The following CETP variants were observed in gnomAD, a reference collection of about 807,000 sequenced individuals.
CETP encodes BPI fold containing family F.
Under a neutral mutation model 66.5 loss-of-function variants are expected in CETP, and 56 were observed. The observed-to-expected ratio is 0.84, with a 90% confidence interval of 0.68 to 1.05. The LOEUF (loss-of-function observed/expected upper bound fraction) is 1.05. Among genes scored for constraint, CETP ranks in the 50% least tolerant of loss-of-function variants. CETP has a pLI of 0.00. For missense variants in CETP, 612 were observed against 609.6 expected (o/e 1.00, Z -0.04); for synonymous variants, 251 against 245.7 (o/e 1.02, Z -0.20).
chr16:56,978,328 G>C, intron 11 of CETP, 73 bp downstream of exon 11: 1 of 1,586,496 alleles, frequency 6.3e-7, no homozygotes. Context: ...GCAGGGGCCT[G>C]GGGGTCTCTG....
chr16:56,980,836 C>T (rs879433125), intron 11 of CETP, among the ~76,000 whole-genome samples: 1 of 152,150 alleles, frequency 6.6e-6, no homozygotes, highest in African/African-American at 2.4e-5. Context: ...GTAGGACAAT[C>T]GCTTGAACCT....
rs1567476360 is a variant in CETP at position 56,981,686 on chromosome 16, T to C, written c.1248+6T>C. ...CTGTTTCCAACTTGACTGAGGTAGGTAGTCTTGGATAGACTGGGGGAAATA... is the reference window on the plus strand; with the variant it reads ...CTGTTTCCAACTTGACTGAGGTAGGCAGTCTTGGATAGACTGGGGGAAATA... On this transcript the variant is annotated splice_donor_region_variant and intron_variant, in intron 13 of 15. Transcript: ENST00000200676. The C allele has an allele frequency of 6.2e-7, 1 of 1,613,778 alleles. No homozygotes were observed.
At chr16:56,975,376 A>G (rs1214956376) in intron 10 of CETP, among the ~76,000 whole-genome samples, 1 of 152,178 alleles carries the variant, frequency 6.6e-6, no homozygotes, top group East Asian at 1.9e-4. Flanking sequence ...TCCCCATTTT[A>G]CACACAGGGA....
intron 10 of CETP, among the ~76,000 whole-genome samples, chr16:56,976,877 A>C (rs1386943404): frequency 6.6e-6 from 1 of 151,186 alleles, no homozygotes; most frequent in Non-Finnish European, 1.5e-5. Flanking sequence ...TTACTTACCC[A>C]CTGAGATTTT....
chr16:56,980,353 GT>G (rs1447118135), intron 11 of CETP, among the ~76,000 whole-genome samples: 3 of 152,042 alleles, frequency 2.0e-5, no homozygotes, highest in African/African-American at 4.8e-5. Flanking sequence ...GTATTTTTTT[GT>G]AGAGACAGGG....
Position 56,978,170 on chromosome 16 carries a change from G to A in CETP, c.1061G>A (p.Gly354Glu). 4 of 1,614,246 alleles carry A rather than the reference G, an allele frequency of 2.5e-6. No individual in the cohort carries two copies. The highest frequency in any genetic ancestry group is 3.4e-6 in the Non-Finnish European group (4 of 1,180,056). ...KMPKISCQNKGVVVNSSVMVK... is the reference protein window; with the variant it reads ...KMPKISCQNKEVVVNSSVMVK... ...CCCAAGATCTCCTGCCAAAACAAGGGAGTCGTGGTCAATTCTTCAGTGATG... is the reference window on the plus strand; with the variant it reads ...CCCAAGATCTCCTGCCAAAACAAGGAAGTCGTGGTCAATTCTTCAGTGATG... Residue 354 changes from glycine (G) to glutamate (E), a missense_variant, in exon 11 of 16, where the codon GGA becomes GAA. By Grantham distance (98) the Gly-to-Glu change is moderately conservative. Coordinates refer to ENST00000200676, the MANE Select transcript of CETP (RefSeq NM_000078.3).
chr16:56,982,075 G>C, intron 13 of CETP, 90 bp from the exon 14 acceptor site: 1 of 1,208,532 alleles, frequency 8.3e-7, no homozygotes, highest in Non-Finnish European at 1.2e-6. Flanking sequence ...ATGGGCATGA[G>C]GATGAATGCT....
chr16:56,968,447 A>G (rs1183608112), intron 2 of CETP, among the ~76,000 whole-genome samples: 1 of 152,184 alleles, frequency 6.6e-6, no homozygotes, highest in Non-Finnish European at 1.5e-5. Context: ...TCGGCCTCCC[A>G]AAGTGCTAGG....
intron 10 of CETP, 45 bp from the exon 11 acceptor site, chr16:56,978,046 C>T (rs1464697569): frequency 6.2e-7 from 1 of 1,607,608 alleles, no homozygotes; most frequent in East Asian, 2.2e-5. Context: ...CTGCTGCTGC[C>T]CTGATGGGCC....
chr16:56,972,002 T>G lies in CETP; in HGVS notation c.669T>G (p.Leu223=). ...DFVQTRAASI[L]SDGDIGVDIS... ...CTTTTCCTCCTGCAGCCAGCATCCT[T>G]TCAGATGGAGACATTGGGGTGGACA... Residue 223 remains leucine (L), a synonymous_variant, in exon 8 of 16, where the codon CTT becomes CTG. Coordinates refer to ENST00000200676, the MANE Select transcript of CETP (RefSeq NM_000078.3). 6.2e-7 allele frequency: 1 copy of G among 1,614,042 alleles called. No individual in the cohort carries two copies. Among genetic ancestry groups the G allele is most frequent in the Non-Finnish European group, 8.5e-7 (1 of 1,179,934 alleles).
At position 56,973,740 on chromosome 16, in the gene CETP, A is replaced by G. The variant is rs11644475; in HGVS notation, c.930+230A>G. Among the ~76,000 whole-genome samples the G allele has an allele frequency of 0.016, 2,477 of 152,372 alleles. 41 individuals are homozygous for G. Among genetic ancestry groups the G allele is most frequent in the Non-Finnish European group, 0.027 (1,849 of 68,046 alleles). On this transcript the variant is annotated intron_variant, in intron 9 of 15. Transcript: ENST00000200676. ...ACGAACCGCAGACAAAACTCCTCAG[A>G]CACTGAGTTAAAGAAGGAAAGAGTT...
chr16:56,975,208 G>T, intron 10 of CETP, 57 bp downstream of exon 10: 1 of 1,490,438 alleles, frequency 6.7e-7, no homozygotes, highest in Non-Finnish European at 9.4e-7. Context: ...TCCTGCTCTG[G>T]CTTCAAGAGC....
intron 1 of CETP, 62 bp from the exon 2 acceptor site, chr16:56,962,948 G>C (rs1387954568): frequency 2.8e-6 from 4 of 1,447,910 alleles, no homozygotes; most frequent in Non-Finnish European, 3.9e-6. Flanking sequence ...AGGCCAGTTG[G>C]GGGTGGGAGC....
At chr16:56,969,346 A>G (rs1315577506) in intron 2 of CETP, 40 bp from the exon 3 acceptor site, 2 of 1,612,404 alleles carry the variant, frequency 1.2e-6, no homozygotes, top group South Asian at 1.1e-5. Flanking sequence ...GGCTCCCTGG[A>G]TGACCCCCAA....
chr16:56,978,808 T>C (rs1295958398), intron 11 of CETP, among the ~76,000 whole-genome samples: 1 of 151,606 alleles, frequency 6.6e-6, no homozygotes, highest in Admixed American at 6.6e-5. Context: ...TTCTTATTTT[T>C]ATTTATTATT....
rs34716057 is a variant in CETP, at chr16:56,969,934, C to A, written c.460C>A (p.Arg154=). The change falls in exon 5 of 16, where the codon CGG becomes AGG. Residue 154 remains arginine, a synonymous_variant. Transcript: ENST00000200676. ...TGCAGCCTGTGACTCTGGTAGAGTGCGGACCGATGCCCCTGACTGCTACCT... is the reference window on the plus strand; with the variant it reads ...TGCAGCCTGTGACTCTGGTAGAGTGAGGACCGATGCCCCTGACTGCTACCT... ...TQLTCDSGRV[R]TDAPDCYLSF... is the part of the protein sequence containing the mutation. The A allele has an allele frequency of 8.1e-6, 13 of 1,613,920 alleles. No individual in the cohort carries two copies. Among genetic ancestry groups the A allele is most frequent in the African/African-American group, 8.0e-5 (6 of 74,900 alleles).
intron 11 of CETP, among the ~76,000 whole-genome samples, chr16:56,979,354 A>G (rs888269591): frequency 5.9e-5 from 9 of 152,174 alleles, no homozygotes; most frequent in Admixed American, 2.6e-4. Context: ...TTCTCCTCAT[A>G]TGAAGCAAGA....
chr16:56,973,672 A>C (rs2056129852), intron 9 of CETP, among the ~76,000 whole-genome samples, 162 bp downstream of exon 9: 1 of 152,234 alleles, frequency 6.6e-6, no homozygotes, highest in Non-Finnish European at 1.5e-5. Context: ...ACAGTGGCTC[A>C]CACCTGTAAT....
chr16:56,983,436 GC>G, intron 15 of CETP, 25 bp downstream of exon 15: 1 of 1,612,250 alleles, frequency 6.2e-7, no homozygotes, highest in Non-Finnish European at 8.5e-7. Flanking sequence ...CCCCTCACCA[GC>G]CCCTGTTCCT....
Sources: gnomAD v4.1 joint callset for allele counts (sites outside exome capture counted in the v4.1 genomes callset) on GRCh38, gnomAD v4.1.1 for gene constraint, MANE v1.5 for transcripts, NCBI Gene and HGNC (gene_info 2026-07-23, HGNC 2026-07-21) for gene names.